The following SHMT1 variants were observed in gnomAD, a reference collection of about 807,000 sequenced individuals.
The protein encoded by SHMT1 is serine hydroxymethyltransferase 1.
Under a neutral mutation model 49.0 loss-of-function variants are expected in SHMT1, and 45 were observed. The observed-to-expected ratio is 0.92, with a 90% CI of 0.72 to 1.18. SHMT1 has a LOEUF of 1.18. Ranked by LOEUF, SHMT1 falls within the 50% of genes most tolerant of loss-of-function variation. The pLI is 0.00. For synonymous variants in SHMT1, 232 were observed against 246.6 expected (o/e 0.94, Z 0.55); for missense variants, 541 against 612.4 (o/e 0.88, Z 1.23).
intron 1 of SHMT1, among the ~76,000 whole-genome samples, chr17:18,361,321 A>AAAC (rs1986752025): frequency 6.6e-6 from 1 of 150,458 alleles, no homozygotes; most frequent in Admixed American, 6.6e-5. Context: ...AAAAACAAAA[A>AAAC]CAAAAATTAG....
At chr17:18,359,051 C>T (rs561303428) in intron 1 of SHMT1, among the ~76,000 whole-genome samples, 162 of 149,684 alleles carry the variant, frequency 1.1e-3, no homozygotes, top group African/African-American at 3.8e-3. Flanking sequence ...GTCATAAGTT[C>T]GAGACCAGCC....
At chr17:18,361,262 G>A (rs930800815) in intron 1 of SHMT1, among the ~76,000 whole-genome samples, 9 of 137,722 alleles carry the variant, frequency 6.5e-5, no homozygotes, top group Non-Finnish European at 1.2e-4. Flanking sequence ...TCGTGCCACC[G>A]CACTCCAGCC....
At chr17:18,362,784 G>A (rs1986893610) in intron 1 of SHMT1, among the ~76,000 whole-genome samples, 1 of 152,162 alleles carries the variant, frequency 6.6e-6, no homozygotes, top group African/African-American at 2.4e-5. Flanking sequence ...ACTTCACAGT[G>A]CAACATTTGT....
intron 10 of SHMT1, 91 bp from the exon 11 acceptor site, chr17:18,329,479 C>T: frequency 9.8e-7 from 1 of 1,016,908 alleles, no homozygotes; most frequent in Non-Finnish European, 1.5e-6. Flanking sequence ...CAAAAGAGAA[C>T]TGGCCTGAGG....
At chr17:18,336,134 G>A (rs961763757) in intron 7 of SHMT1, among the ~76,000 whole-genome samples, 3 of 151,990 alleles carry the variant, frequency 2.0e-5, no homozygotes, top group South Asian at 2.1e-4. Flanking sequence ...AAAATTAGCC[G>A]GGCGTGGTGG....
chr17:18,332,087 G>T (rs1306776479), intron 9 of SHMT1: 4 of 152,262 alleles, frequency 2.6e-5, no homozygotes, highest in African/African-American at 7.2e-5. Context: ...TTCCTGCTGT[G>T]CGGCCAGGTT....
At chr17:18,336,671 G>A (rs1567773719) in intron 7 of SHMT1, among the ~76,000 whole-genome samples, 2 of 150,334 alleles carry the variant, frequency 1.3e-5, no homozygotes, top group African/African-American at 4.9e-5. Context: ...CATCTCCGGG[G>A]AAAAAAAAAG....
At chr17:18,345,323 T>C (rs1984971648) in intron 5 of SHMT1, among the ~76,000 whole-genome samples, 1 of 152,172 alleles carries the variant, frequency 6.6e-6, no homozygotes, top group Non-Finnish European at 1.5e-5. Context: ...ACTGGTGCAA[T>C]CTTGGCTCAC....
At chr17:18,360,184 G>C (rs56018054) in intron 1 of SHMT1, among the ~76,000 whole-genome samples, 2 of 151,854 alleles carry the variant, frequency 1.3e-5, no homozygotes, top group Non-Finnish European at 2.9e-5. Context: ...AGGAGGTGGA[G>C]GTTGCAGTGA....
intron 11 of SHMT1, 136 bp downstream of exon 11, chr17:18,329,141 GT>G (rs1982891602): frequency 2.3e-6 from 2 of 882,754 alleles, no homozygotes; most frequent in Non-Finnish European, 1.8e-6. Context: ...ATTTACATGT[GT>G]TTTTTGCTGT....
chr17:18,341,132 C>T (rs2151580500), intron 5 of SHMT1: 1 of 395,002 alleles, frequency 2.5e-6, no homozygotes. Context: ...AAATGGTTAC[C>T]TTCAGGAACA....
Position 18,340,355 on chromosome 17 carries a change from G to C in SHMT1, c.602-100C>G, listed in dbSNP as rs924890407. Reference sequence around the variant, plus strand: ...AGATGTGCAGATCTGAAAGCCCAGAGATTTCTTCCCTTAAAGTCTCAGAGC... The same window carrying C: ...AGATGTGCAGATCTGAAAGCCCAGACATTTCTTCCCTTAAAGTCTCAGAGC... On this transcript the variant is annotated intron_variant, in intron 6 of 11. Transcript: ENST00000316694. This position sits in a 1 kb window ranked among gnomAD's most constrained non-coding sequence, Gnocchi z 4.5. The C allele has an allele frequency of 3.1e-6, 4 of 1,274,688 alleles. No individual in the cohort carries two copies. The highest frequency in any genetic ancestry group is 4.5e-6 in the Non-Finnish European group (4 of 890,768). 79.0% of individuals were successfully genotyped at this position (1,274,688 alleles called of 1,614,324 possible).
intron 7 of SHMT1, among the ~76,000 whole-genome samples, chr17:18,336,087 G>A (rs1002761404): frequency 2.6e-5 from 4 of 152,072 alleles, no homozygotes; most frequent in Admixed American, 2.6e-4. Flanking sequence ...GACTAGTCTG[G>A]CCAACATGGT....
At chr17:18,330,487 G>A in intron 10 of SHMT1, 68 bp downstream of exon 10, 1 of 1,141,854 alleles carries the variant, frequency 8.8e-7, no homozygotes, top group East Asian at 2.3e-5. Flanking sequence ...ATATTCATCA[G>A]CTACAACTTT....
chr17:18,340,361 T>C lies in SHMT1; in HGVS notation c.602-106A>G, dbSNP rs1984365326. 1 of 1,244,334 alleles carries C rather than the reference T, an allele frequency of 8.0e-7. No homozygotes were observed. Among genetic ancestry groups the C allele is most frequent in the Non-Finnish European group, 1.2e-6 (1 of 867,156 alleles). The allele number at this position is 1,244,334 out of a possible 1,614,324, so 77.1% of individuals were successfully genotyped here. A position where few individuals can be genotyped will look rare whatever the true frequency, so the allele number is the denominator to read the frequency against. On this transcript the variant is annotated intron_variant, in intron 6 of 11. Transcript: ENST00000316694. The surrounding 1 kb of genome is among the most constrained non-coding windows in gnomAD (Gnocchi z 4.5). ...GCAGATCTGAAAGCCCAGAGATTTC[T>C]TCCCTTAAAGTCTCAGAGCAAAAAT...
chr17:18,363,442 C>A lies in SHMT1; in HGVS notation c.-90G>T, dbSNP rs1054061589. ...AGACCCGCTGACCCAACGCCCCGCG[C>A]ACCGCCGCGGGCCAGCCACGTGACC... is the stretch of plus-strand genomic sequence containing the variant. On this transcript the variant is annotated 5_prime_UTR_variant, in exon 1 of 12. Coordinates refer to ENST00000316694, the MANE Select transcript of SHMT1 (RefSeq NM_004169.5). The A allele has an allele frequency of 6.5e-6, 1 of 153,176 alleles. No individual in the cohort carries two copies. The highest frequency in any genetic ancestry group is 1.5e-5 in the Non-Finnish European group (1 of 68,858). 9.5% of individuals were successfully genotyped at this position (153,176 alleles called of 1,614,324 possible).
At chr17:18,348,069 G>A (rs1336951453) in intron 4 of SHMT1, among the ~76,000 whole-genome samples, 5 of 152,070 alleles carry the variant, frequency 3.3e-5, no homozygotes, top group Non-Finnish European at 7.4e-5. Flanking sequence ...ACAGGCATGT[G>A]CCACTACACC....
intron 7 of SHMT1, among the ~76,000 whole-genome samples, chr17:18,336,609 C>T (rs894416384): frequency 1.3e-5 from 2 of 150,832 alleles, no homozygotes; most frequent in Non-Finnish European, 3.0e-5. Flanking sequence ...GAGGTTGTAG[C>T]GAGCCGAGAT....
intron 7 of SHMT1, among the ~76,000 whole-genome samples, chr17:18,339,447 G>A (rs183678137): frequency 1.1e-3 from 166 of 152,214 alleles, no homozygotes; most frequent in Middle Eastern, 3.4e-3. Context: ...AGCAACCGGC[G>A]CCATCCTAAC....
Sources: gnomAD v4.1 joint callset for allele counts (sites outside exome capture counted in the v4.1 genomes callset) on GRCh38, gnomAD v4.1.1 for gene constraint, Gnocchi (gnomAD v3.1) non-coding constraint, MANE v1.5 for transcripts, NCBI Gene and HGNC (gene_info 2026-07-23, HGNC 2026-07-21) for gene names.